Variants in PRICKLE2 observed in about 807,000 individuals in gnomAD.
The protein encoded by PRICKLE2 is prickle planar cell polarity protein 2, also known as prickle-like protein 2.
A neutral mutation model predicts 81.4 loss-of-function variants in PRICKLE2; 21 were observed. The ratio of observed to expected loss-of-function variants is 0.26; its 90% CI spans 0.18 to 0.37. The LOEUF is 0.37. Ranked by LOEUF, PRICKLE2 falls within the 10% of genes least tolerant of loss-of-function variation. The probability of loss-of-function intolerance (pLI) is 1.00; values close to 1 mark genes in which losing one functional copy is unlikely to be tolerated. For missense variants in PRICKLE2, 940 were observed against 1,109.0 expected (o/e 0.85, Z 2.16); for synonymous variants, 456 against 421.5 (o/e 1.08, Z -1.00).
At chr3:64,196,797 C>A (rs1448093981) in intron 2 of PRICKLE2, among the ~76,000 whole-genome samples, 1 of 152,124 alleles carries the variant, frequency 6.6e-6, no homozygotes, top group African/African-American at 2.4e-5. Flanking sequence ...TGTAGAGACT[C>A]GGATGATTCG....
chr3:64,241,967 C>T (rs1037129579), intron 2 of PRICKLE2, among the ~76,000 whole-genome samples: 1 of 152,228 alleles, frequency 6.6e-6, no homozygotes, highest in Admixed American at 6.5e-5. Flanking sequence ...TCATTCTCCA[C>T]CTCATACCCT....
At chr3:64,125,751 A>T (rs1194845821) in intron 7 of PRICKLE2, among the ~76,000 whole-genome samples, 1 of 152,234 alleles carries the variant, frequency 6.6e-6, no homozygotes, top group Non-Finnish European at 1.5e-5. Flanking sequence ...AAAAATTTGC[A>T]TGACTCACTT....
intron 2 of PRICKLE2, among the ~76,000 whole-genome samples, chr3:64,188,301 C>T (rs1226391924): frequency 6.6e-6 from 1 of 152,230 alleles, no homozygotes; most frequent in African/African-American, 2.4e-5. Context: ...GCTTGAGATG[C>T]CCAAGGTTAC....
intron 2 of PRICKLE2, among the ~76,000 whole-genome samples, chr3:64,256,435 AC>A: frequency 6.6e-6 from 1 of 152,310 alleles, no homozygotes. Context: ...TTACACAAGT[AC>A]CTACATACTA....
intron 2 of PRICKLE2, among the ~76,000 whole-genome samples, chr3:64,179,759 G>C (rs2078095848): frequency 2.0e-5 from 3 of 152,112 alleles, no homozygotes; most frequent in Admixed American, 2.0e-4. Context: ...TGGCAAGTGG[G>C]CACATTTGCA....
intron 2 of PRICKLE2, among the ~76,000 whole-genome samples, chr3:64,254,182 T>C (rs923964027): frequency 7.9e-5 from 12 of 152,232 alleles, no homozygotes; most frequent in African/African-American, 2.7e-4. Context: ...TTCCTTAGAT[T>C]GCTGATGCGA....
chr3:64,099,840 A>C lies in PRICKLE2; in HGVS notation c.1746T>G (p.Asn582Lys). 6.2e-7 allele frequency: 1 copy of C among 1,614,186 alleles called. No homozygotes were observed. Among genetic ancestry groups the C allele is most frequent in the Non-Finnish European group, 8.5e-7 (1 of 1,180,024 alleles). ...MPDLSKDSGMNVSEKLSNMGT... is the reference protein window; with the variant it reads ...MPDLSKDSGMKVSEKLSNMGT... ...CCATGTTGCTCAGCTTCTCAGACACATTCATTCCAGAGTCTTTGCTGAGGT... is the reference window on the plus strand; with the variant it reads ...CCATGTTGCTCAGCTTCTCAGACACCTTCATTCCAGAGTCTTTGCTGAGGT... Residue 582 changes from asparagine (N) to lysine (K), a missense_variant, in exon 8 of 8, where the codon AAT becomes AAG. By Grantham distance (94) the Asn-to-Lys change is moderately conservative. This residue lies in a region of PRICKLE2 where 670 missense variants were observed against 717.2 expected (regional missense o/e 0.93). Transcript: ENST00000638394. This position sits in a 1 kb window ranked among gnomAD's most constrained non-coding sequence, Gnocchi z 4.3.
intron 1 of PRICKLE2, among the ~76,000 whole-genome samples, chr3:64,221,245 C>T (rs761099999): frequency 6.6e-6 from 1 of 152,104 alleles, no homozygotes; most frequent in Non-Finnish European, 1.5e-5. Flanking sequence ...TCTCTCCAGC[C>T]TTGCTTTTTT....
chr3:64,207,505 G>A (rs563791705), intron 1 of PRICKLE2, among the ~76,000 whole-genome samples: 3 of 152,192 alleles, frequency 2.0e-5, no homozygotes, highest in East Asian at 3.9e-4. Context: ...GACTCTGGCC[G>A]GTAACGACAA....
intron 5 of PRICKLE2, chr3:64,153,626 G>A (rs1189583586): frequency 1.3e-5 from 6 of 466,358 alleles, no homozygotes; most frequent in Middle Eastern, 6.1e-4. Context: ...GAGAAAGAAT[G>A]TTCTACCCTG....
intron 2 of PRICKLE2, among the ~76,000 whole-genome samples, chr3:64,258,852 AG>A (rs1413427132): frequency 7.8e-6 from 1 of 127,564 alleles, no homozygotes; most frequent in South Asian, 2.3e-4. Context: ...AAAAAAAGAA[AG>A]AAAGAAAGAA....
At chr3:64,234,788 T>C (rs1048433602) in intron 2 of PRICKLE2, among the ~76,000 whole-genome samples, 1 of 152,208 alleles carries the variant, frequency 6.6e-6, no homozygotes, top group Non-Finnish European at 1.5e-5. Flanking sequence ...TGAGTTGTTT[T>C]CTCTTGCGGT....
At chr3:64,244,435 G>A (rs148007705) in intron 2 of PRICKLE2, among the ~76,000 whole-genome samples, 3 of 152,258 alleles carry the variant, frequency 2.0e-5, no homozygotes, top group South Asian at 2.1e-4. Context: ...TGAAAATGTC[G>A]GGGATAATTA....
chr3:64,207,176 A>AGGCATGAG (rs1445786462), intron 1 of PRICKLE2, among the ~76,000 whole-genome samples: 3 of 152,228 alleles, frequency 2.0e-5, no homozygotes, highest in African/African-American at 7.2e-5. Flanking sequence ...CTGGGATTAC[A>AGGCATGAG]GGCATGAGTC....
intron 2 of PRICKLE2, among the ~76,000 whole-genome samples, chr3:64,235,836 T>C (rs1262896223): frequency 2.0e-5 from 3 of 152,268 alleles, no homozygotes; most frequent in East Asian, 3.9e-4. Context: ...TGTGAAAGCA[T>C]AGCCCGAGAC....
intron 2 of PRICKLE2, among the ~76,000 whole-genome samples, chr3:64,255,754 C>G (rs926942668): frequency 6.6e-6 from 1 of 152,190 alleles, no homozygotes; most frequent in Non-Finnish European, 1.5e-5. Flanking sequence ...AGTAAACAAC[C>G]GCATTTCTCA....
chr3:64,100,193 T>C (rs1261325682), intron 7 of PRICKLE2: 2 of 510,772 alleles, frequency 3.9e-6, no homozygotes, highest in Non-Finnish European at 7.0e-6. Context: ...TCATCAAAGT[T>C]ACTAAGAGCC....
In PRICKLE2 at chr3:64,207,725, C is replaced by A. The variant is rs541067181; in HGVS notation, c.-40-8758G>T. On this transcript the variant is annotated intron_variant, in intron 1 of 7. Transcript: ENST00000638394. The stretch of plus-strand genomic sequence containing the variant: ...CACAGAGTTAAAAGTTAGGTCCCTT[C>A]GATAAAAAAAAAATCTGACAACCAG... Among the ~76,000 whole-genome samples, 11 of 151,802 alleles carry A rather than the reference C, an allele frequency of 7.2e-5. No homozygotes were observed. The South Asian group carries it at 2.3e-3, about 32-fold the overall frequency.
chr3:64,248,316 G>C (rs1176808507), intron 2 of PRICKLE2, among the ~76,000 whole-genome samples: 3 of 151,916 alleles, frequency 2.0e-5, no homozygotes, highest in Admixed American at 2.0e-4. Context: ...CAAATAATTA[G>C]GCAAAAAAAC....
Sources: gnomAD v4.1 joint callset for allele counts (sites outside exome capture counted in the v4.1 genomes callset) on GRCh38, gnomAD v4.1.1 for gene constraint, gnomAD v4.1.1 regional missense constraint, Gnocchi (gnomAD v3.1) non-coding constraint, MANE v1.5 for transcripts, NCBI Gene and HGNC (gene_info 2026-07-23, HGNC 2026-07-21) for gene names.